Variants in SEMA3E observed in about 807,000 individuals in gnomAD.
SEMA3E encodes semaphorin-3E.
SEMA3E carries 49 observed loss-of-function variants against 93.6 expected under a neutral mutation model. That is an observed-to-expected ratio of 0.52 (90% CI 0.42 to 0.66). SEMA3E has a LOEUF of 0.66. Among genes scored for constraint, SEMA3E ranks in the 30% least tolerant of loss-of-function variants. SEMA3E has a pLI of 0.00. For missense variants in SEMA3E, 906 were observed against 964.8 expected (o/e 0.94, Z 0.81); for synonymous variants, 363 against 330.7 (o/e 1.10, Z -1.06).
intron 1 of SEMA3E, among the ~76,000 whole-genome samples, chr7:83,574,148 T>A (rs1232887967): frequency 2.6e-5 from 4 of 152,150 alleles, no homozygotes; most frequent in African/African-American, 9.7e-5. Flanking sequence ...AGGATTTGCA[T>A]TAAAAAATCT....
chr7:83,604,807 C>T (rs1793077148), intron 1 of SEMA3E, among the ~76,000 whole-genome samples: 1 of 151,996 alleles, frequency 6.6e-6, no homozygotes, highest in African/African-American at 2.4e-5. Context: ...CTGATAGGCC[C>T]TGGTGTGTGT....
At chr7:83,374,349 A>G (rs904004185) in intron 16 of SEMA3E, among the ~76,000 whole-genome samples, 1 of 152,188 alleles carries the variant, frequency 6.6e-6, no homozygotes, top group African/African-American at 2.4e-5. Flanking sequence ...AGGAACCCAC[A>G]TGAACTGCTT....
At chr7:83,475,857 G>A (rs1258136369) in intron 2 of SEMA3E, among the ~76,000 whole-genome samples, 1 of 152,132 alleles carries the variant, frequency 6.6e-6, no homozygotes, top group African/African-American at 2.4e-5. Flanking sequence ...ATTGTTCCTA[G>A]CAGCAAAACT....
At chr7:83,487,584 A>G (rs1295735868) in intron 2 of SEMA3E, among the ~76,000 whole-genome samples, 1 of 151,866 alleles carries the variant, frequency 6.6e-6, no homozygotes, top group African/African-American at 2.4e-5. Context: ...GAGAGAAGAA[A>G]AAGAAAGAGA....
chr7:83,414,784 G>T (rs1788508776), intron 5 of SEMA3E, among the ~76,000 whole-genome samples: 1 of 151,844 alleles, frequency 6.6e-6, no homozygotes, highest in Admixed American at 6.6e-5. Context: ...AAATCAGGGT[G>T]TTTTTTTCCC....
At chr7:83,579,091 T>G (rs1792467927) in intron 1 of SEMA3E, among the ~76,000 whole-genome samples, 1 of 152,168 alleles carries the variant, frequency 6.6e-6, no homozygotes, top group Non-Finnish European at 1.5e-5. Flanking sequence ...GTTATCCTAT[T>G]ATAAAGTTTA....
chr7:83,579,600 A>C (rs1792479112), intron 1 of SEMA3E, among the ~76,000 whole-genome samples: 1 of 152,112 alleles, frequency 6.6e-6, no homozygotes, highest in African/African-American at 2.4e-5. Flanking sequence ...GGAAAAAGTA[A>C]ATGTTATTAG....
chr7:83,454,214 C>T (rs1179458326), intron 4 of SEMA3E, among the ~76,000 whole-genome samples: 5 of 137,222 alleles, frequency 3.6e-5, no homozygotes, highest in East Asian at 4.5e-4. Flanking sequence ...GCCGAGATGG[C>T]GCCACTGCAC....
chr7:83,505,931 C>T (rs1203119193), intron 1 of SEMA3E, among the ~76,000 whole-genome samples: 3 of 147,820 alleles, frequency 2.0e-5, no homozygotes, highest in East Asian at 2.0e-4. Flanking sequence ...AGGAGAATGG[C>T]GTGAACCTGG....
intron 4 of SEMA3E, among the ~76,000 whole-genome samples, chr7:83,445,434 G>A (rs1163730039): frequency 1.3e-5 from 2 of 152,176 alleles, no homozygotes; most frequent in African/African-American, 4.8e-5. Context: ...GAGTATAGGT[G>A]GGGCCGGGCA....
chr7:83,539,952 C>G (rs1462564145), intron 1 of SEMA3E, among the ~76,000 whole-genome samples: 1 of 147,910 alleles, frequency 6.8e-6, no homozygotes, highest in Non-Finnish European at 1.5e-5. Flanking sequence ...TCAATCTTGG[C>G]TCACTGCAAC....
rs980791804 is a variant in SEMA3E at position 83,414,755 on chromosome 7, G to C, written c.550+3635C>G. The stretch of plus-strand genomic sequence containing the variant: ...ACAAAGTTAATCCTTTCAAAGCAAA[G>C]TTTCAAAAGGTACATGACAAATCAG... On this transcript the variant is annotated intron_variant, in intron 5 of 16. Transcript: ENST00000643230. Among the ~76,000 whole-genome samples, 4 of 152,102 alleles carry C rather than the reference G, an allele frequency of 2.6e-5. No individual in the cohort carries two copies. The East Asian group carries it at 5.8e-4, about 22-fold the overall frequency.
chr7:83,421,448 T>C (rs1788668213), intron 4 of SEMA3E, among the ~76,000 whole-genome samples: 1 of 142,378 alleles, frequency 7.0e-6, no homozygotes, highest in Non-Finnish European at 1.6e-5. Context: ...GGTTGTTTTG[T>C]ATAATTAATC....
chr7:83,465,782 G>C (rs1789743157), intron 4 of SEMA3E, among the ~76,000 whole-genome samples: 1 of 152,174 alleles, frequency 6.6e-6, no homozygotes. Context: ...TTGTGATATA[G>C]AGTGCTTCAA....
chr7:83,388,668 GAA>G, intron 14 of SEMA3E, among the ~76,000 whole-genome samples: 1 of 152,102 alleles, frequency 6.6e-6, no homozygotes, highest in East Asian at 1.9e-4. Context: ...ATGAAATTTG[GAA>G]AAGTGAACCA....
chr7:83,405,371 T>TGAAGGGAG, intron 9 of SEMA3E, 79 bp downstream of exon 9: 3 of 1,025,902 alleles, frequency 2.9e-6, no homozygotes, highest in South Asian at 2.6e-5. Context: ...GTCTTTCAAC[T>TGAAGGGAG]TATATACACC....
chr7:83,591,716 A>C (rs990192280), intron 1 of SEMA3E, among the ~76,000 whole-genome samples: 2 of 152,176 alleles, frequency 1.3e-5, no homozygotes, highest in East Asian at 3.9e-4. Flanking sequence ...AAACTTTTGC[A>C]AAAAGTACAA....
intron 1 of SEMA3E, among the ~76,000 whole-genome samples, chr7:83,565,511 T>C (rs1792128107): frequency 6.6e-6 from 1 of 152,156 alleles, no homozygotes; most frequent in African/African-American, 2.4e-5. Context: ...TCCTGGAACT[T>C]AAAAACCAGA....
At chr7:83,592,680 A>G (rs1792778613) in intron 1 of SEMA3E, among the ~76,000 whole-genome samples, 1 of 152,188 alleles carries the variant, frequency 6.6e-6, no homozygotes, top group South Asian at 2.1e-4. Flanking sequence ...TTGGTTTGGT[A>G]TGTAGAAAAA....
Sources: allele counts gnomAD v4.1 joint callset (sites outside exome capture counted in the v4.1 genomes callset), GRCh38; gene constraint gnomAD v4.1.1; transcripts MANE v1.5; gene names NCBI Gene and HGNC (gene_info 2026-07-23, HGNC 2026-07-21).